Variants in SPATA1 observed in about 807,000 individuals in gnomAD.
The protein encoded by SPATA1 is spermatogenesis-associated protein 1.
SPATA1 carries 57 observed loss-of-function variants against 59.6 expected under a neutral mutation model. The ratio of observed to expected loss-of-function variants is 0.96; its 90% CI spans 0.77 to 1.19. The LOEUF is 1.19. SPATA1 is among the 50% of genes most tolerant of loss of function. SPATA1 has a pLI of 0.00. For synonymous variants in SPATA1, 147 were observed against 163.9 expected (o/e 0.90, Z 0.79); for missense variants, 448 against 480.7 (o/e 0.93, Z 0.64).
Position 84,512,584 on chromosome 1 carries a change from C to T in SPATA1, c.-137-3639C>T, listed in dbSNP as rs529497591. On this transcript the variant is annotated intron_variant, in intron 1 of 12. Transcript: ENST00000490879. Reference sequence around the variant, plus strand: ...AGAATAAGTATCAGAATTTCTTAAGCTTGATTTTCAGCTCTGCTACTGACA... The same window carrying T: ...AGAATAAGTATCAGAATTTCTTAAGTTTGATTTTCAGCTCTGCTACTGACA... Among the ~76,000 whole-genome samples, 5 of 152,282 alleles carry T rather than the reference C, an allele frequency of 3.3e-5. No individual in the cohort carries two copies. The East Asian group carries it at 9.6e-4, about 29-fold the overall frequency.
At chr1:84,559,065 A>G (rs1454388589), downstream of SPATA1, among the ~76,000 whole-genome samples, 1 of 152,178 alleles carries the variant, frequency 6.6e-6, no homozygotes, top group Admixed American at 6.5e-5. Context: ...ATTTTATTGT[A>G]CTTTGCTTTA....
At chr1:84,521,805 A>T (rs1235241340) in intron 3 of SPATA1, among the ~76,000 whole-genome samples, 1 of 152,192 alleles carries the variant, frequency 6.6e-6, no homozygotes, top group Non-Finnish European at 1.5e-5. Flanking sequence ...TGTCTGACAC[A>T]TAGTAGATGC....
chr1:84,556,537 C>T (rs960087151), downstream of SPATA1, among the ~76,000 whole-genome samples: 4 of 125,616 alleles, frequency 3.2e-5, no homozygotes, highest in East Asian at 2.0e-4. Context: ...ATGGTGAAAC[C>T]CCATCTTTAC....
intron 1 of SPATA1, among the ~76,000 whole-genome samples, chr1:84,514,157 T>A (rs1439178627): frequency 1.3e-5 from 2 of 152,128 alleles, no homozygotes; most frequent in Admixed American, 1.3e-4. Context: ...CTTTTCTATA[T>A]TCTTATTAGT....
downstream of SPATA1, among the ~76,000 whole-genome samples, chr1:84,559,296 TG>T (rs1310250319): frequency 2.0e-5 from 3 of 152,316 alleles, no homozygotes; most frequent in East Asian, 5.8e-4. Context: ...TAATTGTTTG[TG>T]GGCACCATGA....
chr1:84,543,407 G>A (rs774167355), intron 8 of SPATA1, among the ~76,000 whole-genome samples: 10 of 152,232 alleles, frequency 6.6e-5, no homozygotes, highest in Non-Finnish European at 1.3e-4. Context: ...ATTGGCTCAC[G>A]GTTCTGCAGG....
chr1:84,522,081 C>A (rs1683051670), intron 3 of SPATA1, among the ~76,000 whole-genome samples: 1 of 152,104 alleles, frequency 6.6e-6, no homozygotes, highest in Non-Finnish European at 1.5e-5. Context: ...ATCTATTCCA[C>A]AGCAAATTTT....
chr1:84,507,975 A>G (rs1682348135), intron 1 of SPATA1, among the ~76,000 whole-genome samples: 1 of 152,070 alleles, frequency 6.6e-6, no homozygotes, highest in Non-Finnish European at 1.5e-5. Flanking sequence ...TCTATTTAGG[A>G]TACAAAAGAA....
At chr1:84,563,604 G>C (rs1329044685) in intron 4 of SPATA1, 1 of 660,308 alleles carries the variant, frequency 1.5e-6, no homozygotes, top group Non-Finnish European at 2.3e-6. Flanking sequence ...TTTCATAGAA[G>C]TAAAAATAAA....
exon 6 of SPATA1, chr1:84,525,854 C>G (rs1338196111): frequency 6.2e-7 from 1 of 1,610,600 alleles, no homozygotes; most frequent in African/African-American, 1.3e-5. Flanking sequence ...GGCTCTTCAA[C>G]CAGAATTATA....
At chr1:84,542,239 TTATG>T (rs2101994381) in intron 8 of SPATA1, among the ~76,000 whole-genome samples, 1 of 152,222 alleles carries the variant, frequency 6.6e-6, no homozygotes, top group South Asian at 2.1e-4. Context: ...ATGCAGTTAT[TTATG>T]TTTCTTTTTT....
At chr1:84,556,230 GA>G (rs1684425920), downstream of SPATA1, among the ~76,000 whole-genome samples, 1 of 152,138 alleles carries the variant, frequency 6.6e-6, no homozygotes, top group Admixed American at 6.5e-5. Context: ...AAGGAAAAGG[GA>G]AAGGAGCAGA....
chr1:84,513,443 T>C (rs1682660543), intron 1 of SPATA1, among the ~76,000 whole-genome samples: 1 of 152,238 alleles, frequency 6.6e-6, no homozygotes, highest in African/African-American at 2.4e-5. Context: ...CATGCATGCC[T>C]AAAGTTTTAA....
At chr1:84,512,341 C>G (rs1214228457) in intron 1 of SPATA1, among the ~76,000 whole-genome samples, 5 of 152,160 alleles carry the variant, frequency 3.3e-5, no homozygotes, top group Admixed American at 3.3e-4. Flanking sequence ...CACACTCAGA[C>G]CAACGAATGG....
chr1:84,560,261 T>A (rs1440377087), intron 4 of SPATA1, among the ~76,000 whole-genome samples: 2 of 152,106 alleles, frequency 1.3e-5, no homozygotes, highest in Admixed American at 1.3e-4. Flanking sequence ...CACCACCACC[T>A]TTCTGTGTAA....
chr1:84,519,139 A>C (rs1682915664), intron 2 of SPATA1, among the ~76,000 whole-genome samples: 1 of 152,058 alleles, frequency 6.6e-6, no homozygotes, highest in Non-Finnish European at 1.5e-5. Flanking sequence ...ATGATGAACA[A>C]GATATCCATA....
At chr1:84,529,828 GAGTGA>G (rs1683392493) in intron 6 of SPATA1, among the ~76,000 whole-genome samples, 1 of 150,828 alleles carries the variant, frequency 6.6e-6, no homozygotes, top group South Asian at 2.1e-4. Context: ...TTACAGGCAT[GAGTGA>G]CTGCGCCCGG....
intron 10 of SPATA1, among the ~76,000 whole-genome samples, chr1:84,548,123 A>G (rs929975506): frequency 6.6e-6 from 1 of 152,208 alleles, no homozygotes; most frequent in Non-Finnish European, 1.5e-5. Flanking sequence ...CAAAATCTTG[A>G]GCTAAAGTTC....
intron 2 of SPATA1, 46 bp downstream of exon 2, chr1:84,516,441 C>A: frequency 8.4e-7 from 1 of 1,189,762 alleles, no homozygotes; most frequent in Non-Finnish European, 1.2e-6. Context: ...ACCTGCTTAT[C>A]ACTGTTTTTG....
Sources: gnomAD v4.1 joint callset for allele counts (sites outside exome capture counted in the v4.1 genomes callset) on GRCh38, gnomAD v4.1.1 for gene constraint, MANE v1.5 for transcripts, NCBI Gene and HGNC (gene_info 2026-07-23, HGNC 2026-07-21) for gene names.